KCNT1: variants seen among roughly 807,000 people sequenced by gnomAD.
The protein encoded by KCNT1 is potassium channel subfamily T member 1.
KCNT1 carries 78 observed loss-of-function variants against 147.8 expected under a neutral mutation model. The observed-to-expected ratio is 0.53, with a 90% CI of 0.44 to 0.64. The LOEUF (loss-of-function observed/expected upper bound fraction) is 0.64. KCNT1 is among the 30% of genes least tolerant of loss of function. The pLI is 0.00. For synonymous variants in KCNT1, 867 were observed against 748.8 expected (o/e 1.16, Z -2.58); for missense variants, 1,419 against 1,750.3 (o/e 0.81, Z 3.38).
chr9:135,732,038 A>AGAGAGAGAGAGG (rs1836504050), intron 2 of KCNT1, among the ~76,000 whole-genome samples: 1 of 137,658 alleles, frequency 7.3e-6, no homozygotes, highest in Non-Finnish European at 1.6e-5. Context: ...AGAGAGAGAG[A>AGAGAGAGAGAGG]GAGGGAGTCT....
intron 4 of KCNT1, among the ~76,000 whole-genome samples, chr9:135,753,007 TGGATGGAG>T (rs1378202714): frequency 6.8e-6 from 1 of 146,146 alleles, no homozygotes; most frequent in Non-Finnish European, 1.5e-5. Context: ...AGTGGATGGA[TGGATGGAG>T]GGATGGATGG....
Position 135,777,335 on chromosome 9 carries a change from C to T in KCNT1, c.2350-3C>T, listed in dbSNP as rs776607977. 15 of 1,612,580 alleles carry T rather than the reference C, an allele frequency of 9.3e-6. No homozygotes were observed. The highest frequency in any genetic ancestry group is 1.3e-5 in the Non-Finnish European group (15 of 1,179,062). On this transcript the variant is annotated splice_polypyrimidine_tract_variant and splice_region_variant and intron_variant, in intron 20 of 30. Transcript: ENST00000371757. ...CAGCCCTGACTCCAGCATCTGCCCC[C>T]AGGGCTGCAAGCACAACAGCTATGA...
chr9:135,742,959 G>A (rs141260248), intron 2 of KCNT1: 37 of 639,788 alleles, frequency 5.8e-5, no homozygotes, highest in Non-Finnish European at 9.9e-5. Flanking sequence ...ACCCGCTGGT[G>A]CCTCTGGGTC....
chr9:135,734,513 C>T (rs1295007398), intron 2 of KCNT1, among the ~76,000 whole-genome samples: 1 of 152,226 alleles, frequency 6.6e-6, no homozygotes, highest in Non-Finnish European at 1.5e-5. Context: ...GATCCTCCTC[C>T]CCTCCCCGCA....
chr9:135,753,908 GGCCGGGCCAGC>G lies in KCNT1; in HGVS notation c.435-26_435-16del. 6.2e-7 allele frequency: 1 copy of G among 1,613,720 alleles called. No homozygotes were observed. The highest frequency in any genetic ancestry group is 8.5e-7 in the Non-Finnish European group (1 of 1,179,740). On this transcript the variant is annotated intron_variant, in intron 4 of 30. Coordinates refer to ENST00000371757, the MANE Select transcript of KCNT1 (RefSeq NM_020822.3). The stretch of plus-strand genomic sequence containing the variant: ...CTTGCAGTGGTGCTAGAGGGGCCAG[GGCCGGGCCAGC>G]GCTGTGTCTCTCCACAGCTGGGGCT...
At chr9:135,732,032 AGAGAGAGAGG>A (rs1211122004) in intron 2 of KCNT1, among the ~76,000 whole-genome samples, 5 of 133,250 alleles carry the variant, frequency 3.8e-5, no homozygotes, top group African/African-American at 1.1e-4. Flanking sequence ...AGAGAGAGAG[AGAGAGAGAGG>A]GAGTCTCACT....
chr9:135,746,784 C>G (rs1161362439), intron 2 of KCNT1, among the ~76,000 whole-genome samples: 2 of 152,026 alleles, frequency 1.3e-5, no homozygotes, highest in Non-Finnish European at 2.9e-5. Flanking sequence ...GGGCGATGGT[C>G]AGGGCGGAGC....
chr9:135,779,095 C>A (rs1240419689), intron 23 of KCNT1, among the ~76,000 whole-genome samples: 2 of 146,146 alleles, frequency 1.4e-5, no homozygotes. Flanking sequence ...GGACTCTGCC[C>A]AGAGACCCCC....
At chr9:135,727,405 C>T (rs542387487) in intron 2 of KCNT1, among the ~76,000 whole-genome samples, 29 of 132,306 alleles carry the variant, frequency 2.2e-4, no homozygotes, top group African/African-American at 6.2e-4. Context: ...CTCCCACTCT[C>T]TCCCTCTCTT....
chr9:135,785,028 A>G, intron 27 of KCNT1, 139 bp downstream of exon 27: 4 of 1,366,118 alleles, frequency 2.9e-6, no homozygotes, highest in Non-Finnish European at 2.0e-6. Context: ...AGTGTCAGGG[A>G]CCTGGGCTAG....
intron 2 of KCNT1, among the ~76,000 whole-genome samples, chr9:135,724,034 T>A (rs1232305263): frequency 6.6e-6 from 1 of 152,138 alleles, no homozygotes; most frequent in African/African-American, 2.4e-5. Context: ...CCCGGGAAGC[T>A]CCATGCCCTC....
At chr9:135,785,479 C>T (rs569868261) in intron 28 of KCNT1, 149 bp downstream of exon 28, 2 of 964,500 alleles carry the variant, frequency 2.1e-6, no homozygotes, top group Admixed American at 4.4e-5. Flanking sequence ...GATGTGTCGG[C>T]CCCAGCACGG....
chr9:135,772,403 C>A (rs183801437), intron 18 of KCNT1, among the ~76,000 whole-genome samples: 3 of 152,176 alleles, frequency 2.0e-5, no homozygotes, highest in African/African-American at 7.2e-5. Context: ...AAGGCTGAGA[C>A]CCCCGAGCCC....
intron 12 of KCNT1, 53 bp from the exon 13 acceptor site, chr9:135,765,571 C>A: frequency 6.4e-7 from 1 of 1,569,694 alleles, no homozygotes; most frequent in African/African-American, 1.3e-5. Context: ...GCAGGGCCGC[C>A]CGGGCGGGGC....
intron 2 of KCNT1, among the ~76,000 whole-genome samples, chr9:135,734,364 G>T (rs951297282): frequency 6.6e-6 from 1 of 152,228 alleles, no homozygotes; most frequent in Non-Finnish European, 1.5e-5. Flanking sequence ...AGGAAAGGGG[G>T]CTTCTGGGAC....
intron 29 of KCNT1, chr9:135,789,322 G>A (rs1261041892): frequency 6.6e-6 from 1 of 152,298 alleles, no homozygotes; most frequent in African/African-American, 2.4e-5. Flanking sequence ...CGGGGTTCTG[G>A]GGCTGGGGAG....
chr9:135,784,586 G>A lies in KCNT1; in HGVS notation c.2995G>A (p.Asp999Asn). The change falls in exon 26 of 31, where the codon GAC becomes AAC. Residue 999 changes from aspartate (D) to asparagine (N), a missense_variant. By Grantham distance (23) the Asp-to-Asn change is conservative. Transcript: ENST00000371757. The part of the protein sequence containing the change: ...ITITRLLLGL[D>N]TTPGSGYLCA... The stretch of plus-strand genomic sequence containing the variant: ...CATCACCCGGCTGCTGCTGGGCCTG[G>A]ACACCACGCCGGGCTCGGGGTACCT... The A allele has an allele frequency of 1.3e-6, 2 of 1,576,110 alleles. No homozygotes were observed. The highest frequency in any genetic ancestry group is 1.7e-6 in the Non-Finnish European group (2 of 1,159,488).
chr9:135,741,719 C>T (rs1830576832), intron 2 of KCNT1, among the ~76,000 whole-genome samples: 1 of 152,262 alleles, frequency 6.6e-6, no homozygotes, highest in Non-Finnish European at 1.5e-5. Context: ...GGCCGATGAG[C>T]GTGTGCCTGT....
At chr9:135,780,140 G>GCCCCACCGCATT in intron 24 of KCNT1, among the ~76,000 whole-genome samples, 1 of 152,356 alleles carries the variant, frequency 6.6e-6, no homozygotes, top group East Asian at 1.9e-4. Context: ...GCTGACCCCA[G>GCCCCACCGCATT]CCCCACCGCA....
Sources: gnomAD v4.1 joint callset for allele counts (sites outside exome capture counted in the v4.1 genomes callset) on GRCh38, gnomAD v4.1.1 for gene constraint, MANE v1.5 for transcripts, NCBI Gene and HGNC (gene_info 2026-07-23, HGNC 2026-07-21) for gene names.